DPP10: variants seen among roughly 807,000 people sequenced by gnomAD.
DPP10 encodes the protein dipeptidyl peptidase like 10, also known as inactive dipeptidyl peptidase 10.
Under a neutral mutation model 120.9 loss-of-function variants are expected in DPP10, and 33 were observed. The observed-to-expected ratio is 0.27, with a 90% CI of 0.21 to 0.37. The LOEUF is 0.37. Ranked by LOEUF, DPP10 falls within the 10% of genes least tolerant of loss-of-function variation. The pLI is 1.00. For missense variants in DPP10, 816 were observed against 942.8 expected (o/e 0.87, Z 1.76); for synonymous variants, 337 against 326.1 (o/e 1.03, Z -0.36).
chr2:115,686,960 C>T (rs1359676482), intron 5 of DPP10, among the ~76,000 whole-genome samples: 1 of 151,954 alleles, frequency 6.6e-6, no homozygotes, highest in Admixed American at 6.6e-5. Flanking sequence ...TCTTCCTAAT[C>T]TTAAGTAACT....
chr2:114,506,786 C>T (rs1683699766), intron 1 of DPP10, among the ~76,000 whole-genome samples: 1 of 152,188 alleles, frequency 6.6e-6, no homozygotes, highest in Non-Finnish European at 1.5e-5. Flanking sequence ...CCTGTGAAGG[C>T]ATCAGGGAAG....
chr2:115,262,683 C>T (rs1442713167), intron 1 of DPP10, among the ~76,000 whole-genome samples: 1 of 152,114 alleles, frequency 6.6e-6, no homozygotes. Flanking sequence ...TCAGTCAGTT[C>T]TGGCTCCTGG....
intron 1 of DPP10, among the ~76,000 whole-genome samples, chr2:115,279,655 CTTTTTT>C (rs70941039): frequency 4.9e-4 from 21 of 42,710 alleles, no homozygotes; most frequent in Non-Finnish European, 6.8e-4. Context: ...TTTTCTTCTT[CTTTTTT>C]TTTTTTTTTT....
chr2:114,455,186 G>GTGTGTGTGTGTGTT (rs1376102778), intron 1 of DPP10, among the ~76,000 whole-genome samples: 6 of 151,558 alleles, frequency 4.0e-5, no homozygotes, highest in African/African-American at 1.5e-4. Flanking sequence ...GTGTGTGTGT[G>GTGTGTGTGTGTGTT]TTTGGGGGTG....
chr2:114,530,947 A>C (rs1177996185), intron 1 of DPP10, among the ~76,000 whole-genome samples: 6 of 152,112 alleles, frequency 3.9e-5, no homozygotes, highest in African/African-American at 1.4e-4. Context: ...AGAATAATTT[A>C]CTCATGTCAA....
chr2:115,782,518 G>A (rs1376328404), intron 17 of DPP10, 119 bp downstream of exon 17: 2 of 919,002 alleles, frequency 2.2e-6, no homozygotes, highest in Non-Finnish European at 1.7e-6. Flanking sequence ...CCACCATGAG[G>A]AAAGCTGCGT....
chr2:115,368,777 A>T (rs1284780729), intron 3 of DPP10, among the ~76,000 whole-genome samples: 1 of 149,574 alleles, frequency 6.7e-6, no homozygotes, highest in Non-Finnish European at 1.5e-5. Context: ...TTTAATTTTA[A>T]TTGAAATTAA....
intron 1 of DPP10, among the ~76,000 whole-genome samples, chr2:114,465,215 G>A (rs184716920): frequency 3.5e-4 from 53 of 152,202 alleles, no homozygotes; most frequent in Admixed American, 1.5e-3. Context: ...AGATAATATC[G>A]TCCACGTGTC....
chr2:114,489,251 G>T (rs905321557), intron 1 of DPP10, among the ~76,000 whole-genome samples: 1 of 152,138 alleles, frequency 6.6e-6, no homozygotes, highest in African/African-American at 2.4e-5. Flanking sequence ...CCAGGAAGGA[G>T]TGTGCAACTA....
At chr2:115,640,671 C>A (rs2086709315) in intron 5 of DPP10, among the ~76,000 whole-genome samples, 1 of 152,044 alleles carries the variant, frequency 6.6e-6, no homozygotes, top group Non-Finnish European at 1.5e-5. Context: ...ATAAGCTGAA[C>A]TATGGCAGCG....
At chr2:115,525,392 G>A (rs934463484) in intron 4 of DPP10, among the ~76,000 whole-genome samples, 1 of 152,030 alleles carries the variant, frequency 6.6e-6, no homozygotes, top group African/African-American at 2.4e-5. Context: ...GCAATGTTCT[G>A]TATTTGTGTT....
At chr2:115,449,533 T>G (rs933503829) in intron 3 of DPP10, among the ~76,000 whole-genome samples, 1 of 152,114 alleles carries the variant, frequency 6.6e-6, no homozygotes, top group African/African-American at 2.4e-5. Context: ...GACACATGAA[T>G]GTGCAACATA....
At chr2:114,782,431 GAGAA>G (rs1265625743) in intron 1 of DPP10, among the ~76,000 whole-genome samples, 1 of 151,898 alleles carries the variant, frequency 6.6e-6, no homozygotes, top group Non-Finnish European at 1.5e-5. Context: ...AAGTCAGAGT[GAGAA>G]AGAGAAAATT....
intron 1 of DPP10, among the ~76,000 whole-genome samples, chr2:114,705,450 T>A (rs913748953): frequency 6.6e-6 from 1 of 152,118 alleles, no homozygotes; most frequent in Non-Finnish European, 1.5e-5. Context: ...CATAAGAATA[T>A]GTATGTGTAT....
At chr2:114,744,173 G>C (rs1399189671) in intron 1 of DPP10, among the ~76,000 whole-genome samples, 1 of 152,164 alleles carries the variant, frequency 6.6e-6, no homozygotes, top group East Asian at 1.9e-4. Context: ...ATGCAACATA[G>C]CTGGACAGAT....
At chr2:115,378,829 G>A (rs1036856297) in intron 3 of DPP10, among the ~76,000 whole-genome samples, 1 of 151,996 alleles carries the variant, frequency 6.6e-6, no homozygotes, top group Non-Finnish European at 1.5e-5. Flanking sequence ...TTTGTCTTTG[G>A]TTCTGTTTAT....
At chr2:115,577,703 C>T (rs1227819039) in intron 5 of DPP10, among the ~76,000 whole-genome samples, 3 of 152,086 alleles carry the variant, frequency 2.0e-5, no homozygotes, top group Non-Finnish European at 4.4e-5. Flanking sequence ...GGATTGGTGT[C>T]TTTTGAGGCC....
chr2:115,740,475 C>A (rs1156563306), intron 9 of DPP10, among the ~76,000 whole-genome samples: 1 of 152,040 alleles, frequency 6.6e-6, no homozygotes, highest in African/African-American at 2.4e-5. Context: ...AAAGAATAGA[C>A]TAAGCAGAAA....
chr2:115,829,773 T>A (rs1395274680), intron 21 of DPP10, among the ~76,000 whole-genome samples: 2 of 152,104 alleles, frequency 1.3e-5, no homozygotes, highest in Non-Finnish European at 2.9e-5. Flanking sequence ...TTAATTTTTA[T>A]TGTAAATTGT....
Sources: allele counts gnomAD v4.1 joint callset (sites outside exome capture counted in the v4.1 genomes callset), GRCh38; gene constraint gnomAD v4.1.1; transcripts MANE v1.5; gene names NCBI Gene and HGNC (gene_info 2026-07-23, HGNC 2026-07-21).